TSHZ2: variants seen among roughly 807,000 people sequenced by gnomAD.
TSHZ2 encodes teashirt homolog 2.
TSHZ2 carries 21 observed loss-of-function variants against 74.4 expected under a neutral mutation model. The observed-to-expected ratio is 0.28, with a 90% CI of 0.20 to 0.41. The LOEUF (loss-of-function observed/expected upper bound fraction) is 0.41, where lower values mean the gene tolerates loss of function less well. Among genes scored for constraint, TSHZ2 ranks in the 10% least tolerant of loss-of-function variants. The probability of loss-of-function intolerance (pLI) is 1.00; values close to 1 mark genes in which losing one functional copy is unlikely to be tolerated. For missense variants in TSHZ2, 1,244 were observed against 1,293.5 expected, an observed-to-expected ratio of 0.96 and a Z score of 0.59; for synonymous variants, 540 against 515.3, an observed-to-expected ratio of 1.05 and a Z score of -0.65.
chr20:53,349,356 A>C (rs1980556543), intron 2 of TSHZ2, among the ~76,000 whole-genome samples: 1 of 152,202 alleles, frequency 6.6e-6, no homozygotes, highest in Non-Finnish European at 1.5e-5. Context: ...GAGCCTTTTC[A>C]GTAATTGTGT....
At chr20:53,230,283 T>C (rs999095711) in intron 1 of TSHZ2, among the ~76,000 whole-genome samples, 2 of 152,230 alleles carry the variant, frequency 1.3e-5, no homozygotes, top group Non-Finnish European at 2.9e-5. Context: ...AGTTCAGAAT[T>C]ATGATTGGAT....
chr20:53,277,509 C>T (rs1990971775), intron 2 of TSHZ2, among the ~76,000 whole-genome samples: 1 of 151,790 alleles, frequency 6.6e-6, no homozygotes, highest in South Asian at 2.1e-4. Flanking sequence ...CAGAGTTGGA[C>T]TCATGCACAG....
chr20:53,019,158 T>C (rs1296251895), intron 1 of TSHZ2, among the ~76,000 whole-genome samples: 1 of 152,164 alleles, frequency 6.6e-6, no homozygotes, highest in Non-Finnish European at 1.5e-5. Context: ...TCATGAACTA[T>C]ATATGAAGGC....
At chr20:53,054,340 C>T (rs954062203) in intron 1 of TSHZ2, among the ~76,000 whole-genome samples, 32 of 152,148 alleles carry the variant, frequency 2.1e-4, no homozygotes, top group African/African-American at 7.0e-4. Context: ...TTGGCAGCTT[C>T]GATGTGTTAG....
intron 2 of TSHZ2, among the ~76,000 whole-genome samples, chr20:53,459,482 G>GCACAC (rs1985259993): frequency 1.3e-5 from 2 of 148,464 alleles, no homozygotes; most frequent in African/African-American, 5.0e-5. Flanking sequence ...CCTGAATACA[G>GCACAC]CACACTGATG....
intron 2 of TSHZ2, among the ~76,000 whole-genome samples, chr20:53,263,916 C>T (rs1022963030): frequency 6.6e-6 from 1 of 152,160 alleles, no homozygotes; most frequent in South Asian, 2.1e-4. Flanking sequence ...TGGAGAGGAG[C>T]CAATCATTCA....
chr20:53,065,966 T>C (rs1242997307), intron 1 of TSHZ2, among the ~76,000 whole-genome samples: 3 of 152,308 alleles, frequency 2.0e-5, no homozygotes, highest in South Asian at 2.1e-4. Context: ...TTCTCAGTTA[T>C]CACCTGTATC....
chr20:53,365,803 A>T (rs1174546178), intron 2 of TSHZ2, among the ~76,000 whole-genome samples: 1 of 152,054 alleles, frequency 6.6e-6, no homozygotes, highest in African/African-American at 2.4e-5. Context: ...CAGCTCCCAG[A>T]TGTCAAGGAC....
chr20:53,338,354 C>T (rs544049324), intron 2 of TSHZ2, among the ~76,000 whole-genome samples: 15 of 152,302 alleles, frequency 9.8e-5, no homozygotes, highest in African/African-American at 3.4e-4. Flanking sequence ...GAAGCCCATT[C>T]GCCTCTCCAA....
chr20:53,083,577 A>G (rs1300087174), intron 1 of TSHZ2, among the ~76,000 whole-genome samples: 1 of 152,250 alleles, frequency 6.6e-6, no homozygotes, highest in African/African-American at 2.4e-5. Flanking sequence ...GAAGTCAGAC[A>G]GACTGGTTCA....
intron 1 of TSHZ2, among the ~76,000 whole-genome samples, chr20:53,118,009 A>G (rs1038656289): frequency 1.3e-5 from 2 of 152,194 alleles, no homozygotes; most frequent in Non-Finnish European, 2.9e-5. Flanking sequence ...TGACAGAATT[A>G]TTATCCTTCT....
intron 2 of TSHZ2, among the ~76,000 whole-genome samples, chr20:53,416,515 G>A (rs758103648): frequency 1.3e-5 from 2 of 152,126 alleles, no homozygotes; most frequent in Non-Finnish European, 2.9e-5. Context: ...CAGGACCAGT[G>A]GGCTAAATCC....
At chr20:53,130,639 A>G (rs1987076832) in intron 1 of TSHZ2, among the ~76,000 whole-genome samples, 1 of 152,130 alleles carries the variant, frequency 6.6e-6, no homozygotes, top group South Asian at 2.1e-4. Flanking sequence ...AAATATATAT[A>G]TAAATAAAAG....
chr20:53,418,089 G>C (rs1165411652), intron 2 of TSHZ2, among the ~76,000 whole-genome samples: 1 of 152,214 alleles, frequency 6.6e-6, no homozygotes, highest in African/African-American at 2.4e-5. Context: ...CCTTAGCTAG[G>C]ATGGTAAGGA....
intron 1 of TSHZ2, among the ~76,000 whole-genome samples, chr20:53,246,040 C>CTTTTTTTTT (rs57243805): frequency 9.2e-5 from 12 of 130,622 alleles, no homozygotes; most frequent in African/African-American, 1.2e-4. Flanking sequence ...TTCTTTCTTT[C>CTTTTTTTTT]TTTTTTTTTT....
intron 2 of TSHZ2, among the ~76,000 whole-genome samples, chr20:53,366,719 A>G (rs778758219): frequency 1.3e-5 from 2 of 152,220 alleles, no homozygotes; most frequent in African/African-American, 2.4e-5. Flanking sequence ...GGTGGGACAA[A>G]TAGACCACAC....
chr20:53,492,783 T>A lies in TSHZ2; in HGVS notation c.*5648T>A, dbSNP rs1986482217. 1 of 152,198 alleles carries A rather than the reference T, an allele frequency of 6.6e-6. No individual in the cohort carries two copies. Among genetic ancestry groups the A allele is most frequent in the African/African-American group, 2.4e-5 (1 of 41,442 alleles). The allele number at this position is 152,198 out of a possible 1,614,324, so 9.4% of individuals were successfully genotyped here. A position where few individuals can be genotyped will look rare whatever the true frequency, so the allele number is the denominator to read the frequency against. On this transcript the variant is annotated 3_prime_UTR_variant, in exon 3 of 3. Coordinates refer to ENST00000371497, the MANE Select transcript of TSHZ2 (RefSeq NM_173485.6). The stretch of plus-strand genomic sequence containing the variant: ...CATTAATTCTAGATTTTTTTTTAAT[T>A]TCTTTTAGAAAGGGCAGGGGGGAAG...
intron 1 of TSHZ2, among the ~76,000 whole-genome samples, chr20:53,235,680 TGA>T (rs1171861150): frequency 2.6e-5 from 4 of 152,212 alleles, no homozygotes; most frequent in Non-Finnish European, 5.9e-5. Context: ...TCCCCAATAA[TGA>T]GAGAGATTTT....
chr20:53,263,714 A>C (rs921817944), intron 2 of TSHZ2, among the ~76,000 whole-genome samples: 1 of 152,182 alleles, frequency 6.6e-6, no homozygotes, highest in Non-Finnish European at 1.5e-5. Context: ...AGGTGGAGAC[A>C]CTGGACCTGT....
Sources: gnomAD v4.1 joint callset for allele counts (sites outside exome capture counted in the v4.1 genomes callset) on GRCh38, gnomAD v4.1.1 for gene constraint, MANE v1.5 for transcripts, NCBI Gene and HGNC (gene_info 2026-07-23, HGNC 2026-07-21) for gene names.